The following CLINT1 variants were observed in gnomAD, a reference collection of about 807,000 sequenced individuals.
CLINT1 encodes clathrin interactor 1, also known as clathrin interacting protein localized in the trans-Golgi region.
A neutral mutation model predicts 70.4 loss-of-function variants in CLINT1; 15 were observed. That is an observed-to-expected ratio of 0.21 (90% confidence interval 0.14 to 0.33). The LOEUF (loss-of-function observed/expected upper bound fraction) is 0.33, where lower values mean the gene tolerates loss of function less well. Ranked by LOEUF, CLINT1 falls within the 10% of genes least tolerant of loss-of-function variation. CLINT1 has a pLI of 1.00. For missense variants in CLINT1, 615 were observed against 778.1 expected (o/e 0.79, Z 2.49); for synonymous variants, 227 against 254.7 (o/e 0.89, Z 1.04).
chr5:157,854,427 A>G (rs1054930794), intron 1 of CLINT1, among the ~76,000 whole-genome samples: 1 of 152,164 alleles, frequency 6.6e-6, no homozygotes, highest in African/African-American at 2.4e-5. Context: ...CCACAAAAAA[A>G]TTTTTTAAAA....
intron 1 of CLINT1, among the ~76,000 whole-genome samples, chr5:157,835,820 TAAAAA>T (rs1370906255): frequency 6.6e-6 from 1 of 152,142 alleles, no homozygotes; most frequent in African/African-American, 2.4e-5. Flanking sequence ...TGCCAAGACT[TAAAAA>T]GTTAAGATAA....
At chr5:157,847,509 T>C (rs960082295) in intron 1 of CLINT1, among the ~76,000 whole-genome samples, 6 of 145,374 alleles carry the variant, frequency 4.1e-5, no homozygotes, top group African/African-American at 1.2e-4. Flanking sequence ...AGACTCCGTC[T>C]CAAAAAAAAA....
At chr5:157,792,480 G>A (rs533808042) in intron 9 of CLINT1, among the ~76,000 whole-genome samples, 10 of 152,266 alleles carry the variant, frequency 6.6e-5, no homozygotes, top group East Asian at 1.9e-4. Flanking sequence ...CCCGGGAGGC[G>A]GAGGTTGCAG....
chr5:157,806,768 T>C (rs1252241304), intron 6 of CLINT1, among the ~76,000 whole-genome samples: 2 of 152,162 alleles, frequency 1.3e-5, no homozygotes, highest in African/African-American at 4.8e-5. Flanking sequence ...AGAAAACAAC[T>C]GTATTTAAAA....
chr5:157,791,878 T>C lies in CLINT1; in HGVS notation c.1205A>G (p.Glu402Gly), dbSNP rs756278040. The C allele has an allele frequency of 6.2e-7, 1 of 1,613,940 alleles. No individual in the cohort carries two copies. The highest frequency in any genetic ancestry group is 8.5e-7 in the Non-Finnish European group (1 of 1,179,858). The change falls in exon 10 of 12, where the codon GAA becomes GGA. Residue 402 changes from glutamate to glycine, a missense_variant. Glu to Gly is a moderately conservative substitution (Grantham distance 98). Coordinates refer to ENST00000411809, the MANE Select transcript of CLINT1 (RefSeq NM_014666.4). ...FFGSASQPAV[E>G]LVSGSQSALG... ...AGCTGATTGTGAGCCACTAACAAGT[T>C]CTACCGCTGGCTGTGAGGCACTGCC...
chr5:157,792,289 T>G lies in CLINT1; in HGVS notation c.1088-294A>C, dbSNP rs1160882481. Among the ~76,000 whole-genome samples the G allele has an allele frequency of 3.9e-5, 6 of 152,222 alleles. No individual in the cohort carries two copies. The East Asian group carries it at 7.7e-4, about 20-fold the overall frequency. On this transcript the variant is annotated intron_variant, in intron 9 of 11. Transcript: ENST00000411809. ...ATGGCCAGGCATGGTGGCTCACGCC[T>G]GTAATCCCAGGACTTTGGGAGGCCG...
At position 157,787,691 on chromosome 5, in the gene CLINT1, T is replaced by A. The variant is rs1278906615; in HGVS notation, c.1833A>T (p.Gln611His). The change falls in exon 12 of 12, where the codon CAA (glutamine) becomes CAT (histidine). Residue 611 changes from glutamine (Q) to histidine (H), a missense_variant. Physicochemically the swap from Gln to His is conservative, Grantham distance 24. This residue lies in a region of CLINT1 where 374 missense variants were observed against 409.6 expected (regional missense o/e 0.91). Coordinates refer to ENST00000411809, the MANE Select transcript of CLINT1 (RefSeq NM_014666.4). ...AATTTGCAAAGGCATCTTGCTTGGG[T>A]TGCACAGTTCCAGAAGTCATGGCTA... ...PNIAMTSGTV[Q>H]PKQDAFANFA... 11 of 1,614,040 alleles carry A rather than the reference T, an allele frequency of 6.8e-6. No homozygotes were observed. Among genetic ancestry groups the A allele is most frequent in the Non-Finnish European group, 9.3e-6 (11 of 1,179,886 alleles).
chr5:157,841,287 C>T (rs1451989885), intron 1 of CLINT1, among the ~76,000 whole-genome samples: 1 of 150,844 alleles, frequency 6.6e-6, no homozygotes, highest in Non-Finnish European at 1.5e-5. Flanking sequence ...AGAAAAAGGT[C>T]AGGCACGGTG....
At chr5:157,837,649 C>CTTTTTTTTTTTT (rs202044066) in intron 1 of CLINT1, among the ~76,000 whole-genome samples, 14 of 138,536 alleles carry the variant, frequency 1.0e-4, no homozygotes, top group African/African-American at 3.3e-4. Flanking sequence ...AGCTCTTTTA[C>CTTTTTTTTTTTT]TTTTTTTTTT....
rs1391515745 is a variant in CLINT1, at chr5:157,786,373, T to A, written c.*1273A>T. 1.3e-5 allele frequency: 2 copies of A among 152,480 alleles called. No homozygotes were observed. The highest frequency in any genetic ancestry group is 2.1e-4 in the South Asian group (1 of 4,826). The allele number at this position is 152,480 out of a possible 1,614,324, so 9.4% of individuals were successfully genotyped here. ...AAGTTTTATCAATTTAATAAAAAAA[T>A]TTTCAACATAACATGGGGAGGTAAT... On this transcript the variant is annotated 3_prime_UTR_variant, in exon 12 of 12. Coordinates refer to ENST00000411809, the MANE Select transcript of CLINT1 (RefSeq NM_014666.4).
At chr5:157,840,865 G>A (rs925120928) in intron 1 of CLINT1, among the ~76,000 whole-genome samples, 1 of 151,946 alleles carries the variant, frequency 6.6e-6, no homozygotes, top group South Asian at 2.1e-4. Context: ...GCAACACAGC[G>A]AGACCCCATC....
chr5:157,788,001 C>A lies in CLINT1; in HGVS notation c.1532-9G>T. On this transcript the variant is annotated splice_polypyrimidine_tract_variant and intron_variant, in intron 11 of 11. Coordinates refer to ENST00000411809, the MANE Select transcript of CLINT1 (RefSeq NM_014666.4). ...CATAGGCTGCTGCATATCTACCAGA[C>A]GAAAACAGACAGAAGAACTTTACCA... 1 of 1,588,836 alleles carries A rather than the reference C, an allele frequency of 6.3e-7. No individual in the cohort carries two copies. Among genetic ancestry groups the A allele is most frequent in the Non-Finnish European group, 8.6e-7 (1 of 1,165,112 alleles).
chr5:157,846,655 G>C lies in CLINT1; in HGVS notation c.41+12275C>G, dbSNP rs183289968. On this transcript the variant is annotated intron_variant, in intron 1 of 11. Transcript: ENST00000411809. ...ACAGATTTTCAATGGAGATGAAACG[G>C]CCTTCCAGTGGAAGATGCCATCTAG... 1.8e-4 allele frequency among the ~76,000 whole-genome samples: 27 copies of C among 152,346 alleles called. No individual in the cohort carries two copies. The East Asian group carries it at 4.6e-3, about 26-fold the overall frequency.
At chr5:157,800,859 T>C (rs977921915) in intron 8 of CLINT1, among the ~76,000 whole-genome samples, 20 of 152,224 alleles carry the variant, frequency 1.3e-4, no homozygotes, top group Non-Finnish European at 2.8e-4. Context: ...GCAATCTTGA[T>C]GTCACAGAGG....
At chr5:157,810,930 TTC>T (rs1400340348) in intron 5 of CLINT1, among the ~76,000 whole-genome samples, 1 of 152,230 alleles carries the variant, frequency 6.6e-6, no homozygotes, top group Non-Finnish European at 1.5e-5. Context: ...GGCTAAAATT[TTC>T]TGTTACATGT....
In CLINT1 at chr5:157,787,830, G is replaced by A; in HGVS notation, c.1694C>T (p.Pro565Leu). The change falls in exon 12 of 12, where the codon CCT becomes CTT. Residue 565 changes from proline to leucine, a missense_variant. Pro to Leu is a moderately conservative substitution (Grantham distance 98, BLOSUM62 -3). Transcript: ENST00000411809. Reference sequence around the variant, plus strand: ...GTTCATCATCGGAGTATTTCCAAGAGGGGCCATTCCCATGGTGCCAGTCAT... The same window carrying A: ...GTTCATCATCGGAGTATTTCCAAGAAGGGCCATTCCCATGGTGCCAGTCAT... ...NVMTGTMGMAPLGNTPMMNQS... is the reference protein window; with the variant it reads ...NVMTGTMGMALLGNTPMMNQS... 1 of 1,613,928 alleles carries A rather than the reference G, an allele frequency of 6.2e-7. No individual in the cohort carries two copies. The highest frequency in any genetic ancestry group is 8.5e-7 in the Non-Finnish European group (1 of 1,179,880).
chr5:157,846,351 G>C (rs924580524), intron 1 of CLINT1, among the ~76,000 whole-genome samples: 2 of 151,508 alleles, frequency 1.3e-5, no homozygotes, highest in Non-Finnish European at 2.9e-5. Flanking sequence ...GAGAAAGTTT[G>C]AGTGGTTTGA....
At chr5:157,830,011 C>T (rs1314238702) in intron 1 of CLINT1, among the ~76,000 whole-genome samples, 6 of 148,240 alleles carry the variant, frequency 4.0e-5, no homozygotes, top group Non-Finnish European at 3.0e-5. Context: ...TGCAGTGGTG[C>T]GATGATGCCT....
chr5:157,792,008 T>C lies in CLINT1; in HGVS notation c.1088-13A>G, dbSNP rs780613126. On this transcript the variant is annotated splice_polypyrimidine_tract_variant and intron_variant, in intron 9 of 11. Transcript: ENST00000411809. ...CTTGTTGCTGTTACTAAGACAGAAA[T>C]AACTCTAAGGGTAAGAAACTTCATG... is the stretch of plus-strand genomic sequence containing the variant. 3.7e-6 allele frequency: 6 copies of C among 1,608,164 alleles called. No homozygotes were observed. In the South Asian group the frequency reaches 5.5e-5, roughly 15 times the overall value.
Sources: gnomAD v4.1 joint callset for allele counts (sites outside exome capture counted in the v4.1 genomes callset) on GRCh38, gnomAD v4.1.1 for gene constraint, gnomAD v4.1.1 regional missense constraint, MANE v1.5 for transcripts, NCBI Gene and HGNC (gene_info 2026-07-23, HGNC 2026-07-21) for gene names.